Variants in CUX1 observed in about 807,000 individuals in gnomAD.
CUX1 encodes protein CASP.
A neutral mutation model predicts 158.8 loss-of-function variants in CUX1; 31 were observed. The observed-to-expected ratio is 0.20, with a 90% CI of 0.15 to 0.26. The LOEUF (loss-of-function observed/expected upper bound fraction) is 0.26, where lower values mean the gene tolerates loss of function less well. CUX1 is among the 10% of genes least tolerant of loss of function. The pLI, the probability that CUX1 is intolerant of heterozygous loss-of-function variation, is 1.00. For synonymous variants in CUX1, 879 were observed against 862.1 expected, an observed-to-expected ratio of 1.02 and a Z score of -0.34; for missense variants, 1,589 against 2,014.6, an observed-to-expected ratio of 0.79 and a Z score of 4.04.
chr7:101,817,645 G>A lies in CUX1; in HGVS notation c.6G>A (p.Leu2=). ...CCCGGGACTCTGCCAGGTGGATGTT[G>A]TGCGTAGCCGGAGCCAGGTTGAAGG... M[L]CVAGARLKRE... The change falls in exon 1 of 24, where the codon TTG becomes TTA. Residue 2 remains leucine, a synonymous_variant. Transcript: ENST00000292535. The surrounding 1 kb of genome is among the most constrained non-coding windows in gnomAD (Gnocchi z 4.1). 1 of 1,551,936 alleles carries A rather than the reference G, an allele frequency of 6.4e-7. No homozygotes were observed. The highest frequency in any genetic ancestry group is 8.7e-7 in the Non-Finnish European group (1 of 1,147,696).
intron 2 of CUX1, among the ~76,000 whole-genome samples, chr7:101,931,330 T>C (rs180805206): frequency 6.6e-6 from 1 of 152,174 alleles, no homozygotes; most frequent in Non-Finnish European, 1.5e-5. Context: ...AGGAAGACTG[T>C]TGTGAGGGCT....
chr7:102,024,641 A>G (rs1274742624), intron 2 of CUX1, among the ~76,000 whole-genome samples: 1 of 151,886 alleles, frequency 6.6e-6, no homozygotes, highest in Non-Finnish European at 1.5e-5. Flanking sequence ...CTATTCTTCC[A>G]TTCATTCCCT....
chr7:102,093,429 T>TGA (rs1828858988), intron 4 of CUX1, among the ~76,000 whole-genome samples: 1 of 152,118 alleles, frequency 6.6e-6, no homozygotes, highest in Admixed American at 6.5e-5. Context: ...TCAAACAATG[T>TGA]TCCCTCCTCG....
chr7:101,831,973 CT>C (rs1161099742), intron 1 of CUX1, among the ~76,000 whole-genome samples: 8 of 152,028 alleles, frequency 5.3e-5, no homozygotes, highest in Non-Finnish European at 1.0e-4. Flanking sequence ...TCTTGAACTC[CT>C]GGCCTCAGGC....
chr7:101,876,418 T>C (rs1341738159), intron 1 of CUX1, among the ~76,000 whole-genome samples: 4 of 151,780 alleles, frequency 2.6e-5, no homozygotes, highest in African/African-American at 9.7e-5. Flanking sequence ...ATCTTTCGGC[T>C]GGGCGCGCTG....
intron 2 of CUX1, among the ~76,000 whole-genome samples, chr7:102,008,025 A>G (rs1223220962): frequency 6.6e-6 from 1 of 152,124 alleles, no homozygotes; most frequent in Non-Finnish European, 1.5e-5. Flanking sequence ...GATTACAGGC[A>G]CCACTTCTGG....
Position 102,254,173 on chromosome 7 carries a change from C to A in CUX1, c.*5131C>A, listed in dbSNP as rs894012524. 2.1e-5 allele frequency: 21 copies of A among 985,466 alleles called. No homozygotes were observed. Among genetic ancestry groups the A allele is most frequent in the Admixed American group, 6.1e-5 (1 of 16,262 alleles). 61.0% of individuals were successfully genotyped at this position (985,466 alleles called of 1,614,324 possible). A position where few individuals can be genotyped will look rare whatever the true frequency, so the allele number is the denominator to read the frequency against. On this transcript the variant is annotated 3_prime_UTR_variant, in exon 24 of 24. Transcript: ENST00000292535. ...GTTCCCAAAGCTCCAGCAGCTGTTT[C>A]TTTTGCAGGCAGGGCGTGGTCTCGG...
intron 2 of CUX1, among the ~76,000 whole-genome samples, chr7:101,939,722 G>C (rs1269975178): frequency 6.6e-6 from 1 of 152,040 alleles, no homozygotes; most frequent in Non-Finnish European, 1.5e-5. Context: ...AGCTGCTTGG[G>C]AGGCTGAGGC....
At chr7:102,283,190 A>G (rs1792244533) in exon 23 of CUX1, 2 of 1,000,698 alleles carry the variant, frequency 2.0e-6, no homozygotes, top group Non-Finnish European at 3.1e-6. Context: ...CCCCATGGAA[A>G]CTGCCCTTAT....
chr7:101,962,623 G>A (rs1810654873), intron 2 of CUX1, among the ~76,000 whole-genome samples: 1 of 152,112 alleles, frequency 6.6e-6, no homozygotes, highest in African/African-American at 2.4e-5. Context: ...ACTCCTTCCT[G>A]GGAGAAATGG....
At position 101,921,655 on chromosome 7, in the gene CUX1, T is replaced by G. The variant is rs1563012856; in HGVS notation, c.141+5430T>G. Among the ~76,000 whole-genome samples, 2 of 151,950 alleles carry G rather than the reference T, an allele frequency of 1.3e-5. 1 individual carries two copies. The highest frequency in any genetic ancestry group is 1.3e-4 in the Admixed American group (2 of 15,256). On this transcript the variant is annotated intron_variant, in intron 2 of 23. Coordinates refer to ENST00000292535, the MANE Select transcript of CUX1 (RefSeq NM_181552.4). Reference sequence around the variant, plus strand: ...TTTTGTATTTTTAGTAGAGACGGAGTTCCACCATGTTGGCCAGGCTGGTCT... The same window carrying G: ...TTTTGTATTTTTAGTAGAGACGGAGGTCCACCATGTTGGCCAGGCTGGTCT...
intron 14 of CUX1, among the ~76,000 whole-genome samples, chr7:102,269,148 TTGTTTGTG>T (rs1791028581): frequency 8.9e-6 from 1 of 111,908 alleles, no homozygotes; most frequent in African/African-American, 3.7e-5. Flanking sequence ...GTTTGTTTGT[TTGTTTGTG>T]TAGAGACAGG....
intron 4 of CUX1, among the ~76,000 whole-genome samples, chr7:102,085,973 T>A (rs1172422235): frequency 6.6e-6 from 1 of 152,230 alleles, no homozygotes; most frequent in Non-Finnish European, 1.5e-5. Flanking sequence ...TTTTTTAAAT[T>A]TCTTCTTGAG....
At chr7:102,108,736 T>TTG (rs10527026) in intron 6 of CUX1, among the ~76,000 whole-genome samples, 5,481 of 145,024 alleles carry the variant, frequency 0.038, 114 homozygotes, top group African/African-American at 0.052. Context: ...TTCATTCATT[T>TTG]TGTGTGTGTG....
At chr7:102,261,348 G>C (rs550755070), downstream of CUX1, among the ~76,000 whole-genome samples, 1 of 152,212 alleles carries the variant, frequency 6.6e-6, no homozygotes, top group South Asian at 2.1e-4. Context: ...ACAAAAATTA[G>C]CCAGGCATGA....
intron 1 of CUX1, among the ~76,000 whole-genome samples, chr7:101,861,768 CTT>C (rs758378015): frequency 1.4e-5 from 2 of 145,318 alleles, no homozygotes. Flanking sequence ...TCACCCCTAA[CTT>C]TTTTTTTTTT....
At chr7:102,110,768 A>G (rs1585722225) in intron 6 of CUX1, among the ~76,000 whole-genome samples, 1 of 152,276 alleles carries the variant, frequency 6.6e-6, no homozygotes, top group Non-Finnish European at 1.5e-5. Flanking sequence ...ATATTTGTTT[A>G]TATTACACTT....
Position 102,248,737 on chromosome 7 carries a change from C to CCCGCCTCCGCGACCG in CUX1, c.4216_4230dup (p.Ala1406_Ala1410dup), listed in dbSNP as rs1215348558. 3.7e-6 allele frequency: 4 copies of CCCGCCTCCGCGACCG among 1,087,740 alleles called. No individual in the cohort carries two copies. Among genetic ancestry groups the CCCGCCTCCGCGACCG allele is most frequent in the African/African-American group, 3.4e-5 (2 of 58,244 alleles). The allele number at this position is 1,087,740 out of a possible 1,614,324, so 67.4% of individuals were successfully genotyped here. On this transcript the variant is annotated inframe_insertion, in exon 24 of 24. Coordinates refer to ENST00000292535, the MANE Select transcript of CUX1 (RefSeq NM_181552.4). This position sits in a 1 kb window ranked among gnomAD's most constrained non-coding sequence, Gnocchi z 5.8. ...GGAAGGCCCGGGGCCCCTGCCCAGC[C>CCCGCCTCCGCGACCG]CCGCCTCCGCGACCGCCACCGCCGC...
intron 12 of CUX1, 104 bp downstream of exon 12, chr7:102,189,975 G>A: frequency 8.2e-7 from 1 of 1,225,710 alleles, no homozygotes; most frequent in East Asian, 2.4e-5. Context: ...CCTGCCCTCT[G>A]GCTCAGCAGA....
Sources: gnomAD v4.1 joint callset for allele counts (sites outside exome capture counted in the v4.1 genomes callset) on GRCh38, gnomAD v4.1.1 for gene constraint, Gnocchi (gnomAD v3.1) non-coding constraint, MANE v1.5 for transcripts, NCBI Gene and HGNC (gene_info 2026-07-23, HGNC 2026-07-21) for gene names.